FAM120A: variants seen among roughly 807,000 people sequenced by gnomAD.
The protein encoded by FAM120A is family with sequence similarity 120 member A.
FAM120A carries 15 observed loss-of-function variants against 109.7 expected under a neutral mutation model. The ratio of observed to expected loss-of-function variants is 0.14; its 90% CI spans 0.09 to 0.21. The LOEUF is 0.21. Ranked by LOEUF, FAM120A falls within the 10% of genes least tolerant of loss-of-function variation. The pLI, the probability that FAM120A is intolerant of heterozygous loss-of-function variation, is 1.00. For missense variants in FAM120A, 899 were observed against 1,439.3 expected, an observed-to-expected ratio of 0.62 and a Z score of 6.07; for synonymous variants, 493 against 572.8, an observed-to-expected ratio of 0.86 and a Z score of 1.99.
chr9:93,548,012 C>G (rs769074610), intron 11 of FAM120A, among the ~76,000 whole-genome samples: 3 of 151,830 alleles, frequency 2.0e-5, no homozygotes, highest in Non-Finnish European at 4.4e-5. Context: ...GCTGTCCTGG[C>G]GAAGTTGAAT....
chr9:93,467,321 C>G (rs1858092621), intron 1 of FAM120A, among the ~76,000 whole-genome samples: 1 of 143,718 alleles, frequency 7.0e-6, no homozygotes, highest in African/African-American at 2.6e-5. Flanking sequence ...AAAGGACATC[C>G]TCTCTGTTAC....
chr9:93,483,956 T>C (rs1393256046), intron 3 of FAM120A, among the ~76,000 whole-genome samples: 1 of 152,212 alleles, frequency 6.6e-6, no homozygotes, highest in East Asian at 1.9e-4. Flanking sequence ...CCTGTTTGTT[T>C]TAAAATAAAA....
intron 1 of FAM120A, among the ~76,000 whole-genome samples, chr9:93,460,523 G>A (rs185446790): frequency 6.2e-4 from 94 of 152,220 alleles, no homozygotes; most frequent in Non-Finnish European, 1.1e-3. Context: ...TTTTAGTAGA[G>A]ACAGGGTTTC....
Position 93,543,409 on chromosome 9 carries a change from C to A in FAM120A, c.2097C>A (p.Thr699=). 1 of 1,614,138 alleles carries A rather than the reference C, an allele frequency of 6.2e-7. No individual in the cohort carries two copies. Among genetic ancestry groups the A allele is most frequent in the South Asian group, 1.1e-5 (1 of 91,076 alleles). ...RAFLACMRSD[T]PAMLNPANVP... ...TCCTGGCCTGCATGAGGTCGGACACCCCAGCCATGCTCAACCCTGCCAACG... is the reference window on the plus strand; with the variant it reads ...TCCTGGCCTGCATGAGGTCGGACACACCAGCCATGCTCAACCCTGCCAACG... The change falls in exon 11 of 18, where the codon ACC becomes ACA. Residue 699 remains threonine, a synonymous_variant. Transcript: ENST00000277165.
At chr9:93,530,692 T>C (rs1049627658) in intron 9 of FAM120A, 1 of 152,260 alleles carries the variant, frequency 6.6e-6, no homozygotes, top group Non-Finnish European at 1.5e-5. Flanking sequence ...GGTTGTAAGG[T>C]GAACATTTTA....
intron 5 of FAM120A, among the ~76,000 whole-genome samples, chr9:93,508,629 C>G (rs1247104446): frequency 4.6e-5 from 7 of 152,160 alleles, no homozygotes; most frequent in Non-Finnish European, 8.8e-5. Flanking sequence ...CTGGGTTGGT[C>G]CTGGGGCTGG....
Position 93,564,396 on chromosome 9 carries a change from C to T in FAM120A, c.3213C>T (p.Ala1071=), listed in dbSNP as rs778229639. The change falls in exon 18 of 18, where the codon GCC becomes GCT. Residue 1071 remains alanine (A), a synonymous_variant. Transcript: ENST00000277165. ...AGATGAACGGGAGCACGGGTGACGC[C>T]AGGGCCCCCAGCCACTCTGAAAGTG... The part of the protein sequence containing the change: ...APQMNGSTGD[A]RAPSHSESAL... 1 of 1,613,920 alleles carries T rather than the reference C, an allele frequency of 6.2e-7. No individual in the cohort carries two copies. The highest frequency in any genetic ancestry group is 8.5e-7 in the Non-Finnish European group (1 of 1,179,990).
chr9:93,563,737 G>T (rs1196417602), intron 17 of FAM120A, among the ~76,000 whole-genome samples: 1 of 152,192 alleles, frequency 6.6e-6, no homozygotes, highest in Non-Finnish European at 1.5e-5. Context: ...CCATTCAGAA[G>T]AGTTATTTCA....
At chr9:93,471,519 T>G in intron 2 of FAM120A, 132 bp downstream of exon 2, 7 of 1,059,472 alleles carry the variant, frequency 6.6e-6, no homozygotes, top group Non-Finnish European at 8.2e-6. Flanking sequence ...GCGTGGGCTC[T>G]TCCTTAGCAT....
intron 5 of FAM120A, among the ~76,000 whole-genome samples, chr9:93,504,040 T>C (rs189869065): frequency 2.0e-5 from 3 of 152,234 alleles, no homozygotes; most frequent in East Asian, 3.9e-4. Flanking sequence ...CCTGATTGAA[T>C]CAATCTACGA....
intron 11 of FAM120A, among the ~76,000 whole-genome samples, chr9:93,545,780 CTT>C (rs774150537): frequency 0.023 from 1,513 of 65,364 alleles, 14 homozygotes; most frequent in East Asian, 0.053. Flanking sequence ...GGAAAGACTC[CTT>C]TTTTTTTTTT....
chr9:93,478,633 CG>C (rs1480040422), intron 3 of FAM120A, among the ~76,000 whole-genome samples: 10 of 152,192 alleles, frequency 6.6e-5, no homozygotes, highest in Admixed American at 6.5e-4. Context: ...CCTGCCACCA[CG>C]CCAGCTAATT....
At chr9:93,489,697 A>G (rs1267895482) in intron 3 of FAM120A, among the ~76,000 whole-genome samples, 1 of 152,256 alleles carries the variant, frequency 6.6e-6, no homozygotes, top group Non-Finnish European at 1.5e-5. Context: ...TATTTAGGCA[A>G]ATGTGTACAG....
At position 93,529,487 on chromosome 9, in the gene FAM120A, C is replaced by G; in HGVS notation, c.1641C>G (p.Pro547=). The change falls in exon 9 of 18, where the codon CCC becomes CCG. Residue 547 remains proline, a synonymous_variant. Coordinates refer to ENST00000277165, the MANE Select transcript of FAM120A (RefSeq NM_014612.5). ...ACCACATGGACATCACCACACCTCC[C>G]CTGCCCCCCGTCGCACCTGAGGTGC... ...TRNHMDITTP[P]LPPVAPEVLR... The G allele has an allele frequency of 1.2e-6, 2 of 1,614,222 alleles. No homozygotes were observed. Among genetic ancestry groups the G allele is most frequent in the Non-Finnish European group, 8.5e-7 (1 of 1,180,022 alleles).
chr9:93,471,117 T>TG, intron 1 of FAM120A, 24 bp from the exon 2 acceptor site: 2 of 1,613,196 alleles, frequency 1.2e-6, no homozygotes, highest in Non-Finnish European at 1.7e-6. Flanking sequence ...CTACATCTGA[T>TG]GAAGTTTTTT....
At position 93,452,896 on chromosome 9, in the gene FAM120A, A is replaced by G; in HGVS notation, c.474+507A>G. 2.1e-6 allele frequency: 3 copies of G among 1,442,024 alleles called. No homozygotes were observed. The highest frequency in any genetic ancestry group is 2.7e-6 in the Non-Finnish European group (3 of 1,105,984). The allele number at this position is 1,442,024 out of a possible 1,614,324, so 89.3% of individuals were successfully genotyped here. A position where few individuals can be genotyped will look rare whatever the true frequency, so the allele number is the denominator to read the frequency against. ...CAGTGCTGCTGCCGCCGCCCTTGCC[A>G]ATGTTGTTAGCCCGGTGACAGCGAG... On this transcript the variant is annotated intron_variant, in intron 1 of 17. Coordinates refer to ENST00000277165, the MANE Select transcript of FAM120A (RefSeq NM_014612.5). This position sits in a 1 kb window ranked among gnomAD's most constrained non-coding sequence, Gnocchi z 7.0.
At chr9:93,474,570 A>G (rs967224374) in intron 2 of FAM120A, among the ~76,000 whole-genome samples, 3 of 151,954 alleles carry the variant, frequency 2.0e-5, no homozygotes, top group Non-Finnish European at 4.4e-5. Flanking sequence ...GAAGCTTCCA[A>G]AATTTCGGAC....
rs1048636284 is a variant in FAM120A, at chr9:93,552,905, G to A, written c.2274+2214G>A. On this transcript the variant is annotated intron_variant, in intron 12 of 17. Transcript: ENST00000277165. ...TCTCCCATTTATCGTCCACTCTGTG[G>A]TTGGCCATCAGAGGAGGAAAAGAGG... 6.6e-5 allele frequency among the ~76,000 whole-genome samples: 10 copies of A among 152,292 alleles called. No homozygotes were observed. The South Asian group carries it at 1.7e-3, about 25-fold the overall frequency.
chr9:93,554,616 T>A (rs1264299557), intron 12 of FAM120A, among the ~76,000 whole-genome samples: 2 of 151,946 alleles, frequency 1.3e-5, no homozygotes, highest in Non-Finnish European at 2.9e-5. Flanking sequence ...GAGGTTGCAG[T>A]GAGCCAAGAT....
Sources: gnomAD v4.1 joint callset for allele counts (sites outside exome capture counted in the v4.1 genomes callset) on GRCh38, gnomAD v4.1.1 for gene constraint, Gnocchi (gnomAD v3.1) non-coding constraint, MANE v1.5 for transcripts, NCBI Gene and HGNC (gene_info 2026-07-23, HGNC 2026-07-21) for gene names.